Variants in SLC24A4 observed in about 807,000 individuals in gnomAD.
SLC24A4 encodes sodium/potassium/calcium exchanger 4.
A neutral mutation model predicts 79.0 loss-of-function variants in SLC24A4; 53 were observed. That is an observed-to-expected ratio of 0.67 (90% CI 0.54 to 0.84). SLC24A4 has a LOEUF of 0.84. SLC24A4 is among the 40% of genes least tolerant of loss of function. SLC24A4 has a pLI of 0.00. For missense variants in SLC24A4, 731 were observed against 822.0 expected (o/e 0.89, Z 1.35); for synonymous variants, 323 against 323.8 (o/e 1.00, Z 0.03).
intron 2 of SLC24A4, among the ~76,000 whole-genome samples, chr14:92,357,044 C>A (rs1887221640): frequency 6.6e-6 from 1 of 152,234 alleles, no homozygotes; most frequent in Non-Finnish European, 1.5e-5. Context: ...ACATTTCTAG[C>A]TTTAATGAGT....
chr14:92,344,051 A>T (rs561389976), intron 2 of SLC24A4, among the ~76,000 whole-genome samples: 1 of 152,266 alleles, frequency 6.6e-6, no homozygotes, highest in African/African-American at 2.4e-5. Flanking sequence ...GCATTTACTT[A>T]CTTCCAGATC....
chr14:92,491,692 C>A lies in SLC24A4; in HGVS notation c.1565C>A (p.Thr522Asn). 6.2e-7 allele frequency: 1 copy of A among 1,613,932 alleles called. No individual in the cohort carries two copies. The highest frequency in any genetic ancestry group is 8.5e-7 in the Non-Finnish European group (1 of 1,179,828). ...CTTGGGGACATGGCAGTCTCCAACA[C>A]CATAGGAAGCAACGTGTTTGACATC... ...QGLGDMAVSN[T>N]IGSNVFDILV... The change falls in exon 15 of 17, where the codon ACC (threonine) becomes AAC (asparagine). Residue 522 changes from threonine (T) to asparagine (N), a missense_variant. Coordinates refer to ENST00000532405, the MANE Select transcript of SLC24A4 (RefSeq NM_153646.4).
intron 13 of SLC24A4, chr14:92,484,724 A>G (rs578065066): frequency 7.1e-6 from 7 of 985,260 alleles, no homozygotes; most frequent in Non-Finnish European, 8.4e-6. Flanking sequence ...AACCTCATTC[A>G]TGTCCCTCCT....
chr14:92,453,941 G>T lies in SLC24A4; in HGVS notation c.922G>T (p.Val308Leu). 6.2e-7 allele frequency: 1 copy of T among 1,613,534 alleles called. No homozygotes were observed. Among genetic ancestry groups the T allele is most frequent in the African/African-American group, 1.3e-5 (1 of 75,010 alleles). The change falls in exon 11 of 17, where the codon GTG (valine) becomes TTG (leucine). Residue 308 changes from valine to leucine, a missense_variant. Coordinates refer to ENST00000532405, the MANE Select transcript of SLC24A4 (RefSeq NM_153646.4). ...PQYGKNPVVM[V>L]DEIMSSSPPK... is the part of the protein sequence containing the mutation. ...GTATGGCAAGAACCCCGTGGTGATG[G>T]TGGACGAGATTATGAGCTCCAGCCC...
At chr14:92,391,759 CT>C (rs1889472278) in intron 2 of SLC24A4, among the ~76,000 whole-genome samples, 1 of 152,242 alleles carries the variant, frequency 6.6e-6, no homozygotes, top group Non-Finnish European at 1.5e-5. Flanking sequence ...CTTGGGGACT[CT>C]CCCCCTGGGA....
Position 92,398,845 on chromosome 14 carries a change from G to T in SLC24A4, c.242-35067G>T, listed in dbSNP as rs1889929755. ...AAGGGACATTCGTCTTCCCTTTGGG[G>T]TGGCACCCTTCCTTAAATCGTCAAC... is the stretch of plus-strand genomic sequence containing the variant. On this transcript the variant is annotated intron_variant, in intron 2 of 16. Coordinates refer to ENST00000532405, the MANE Select transcript of SLC24A4 (RefSeq NM_153646.4). The surrounding 1 kb of genome is among the most constrained non-coding windows in gnomAD (Gnocchi z 4.1). Among the ~76,000 whole-genome samples the T allele has an allele frequency of 6.6e-6, 1 of 152,178 alleles. No individual in the cohort carries two copies. Among genetic ancestry groups the T allele is most frequent in the Middle Eastern group, 3.2e-3 (1 of 314 alleles).
In SLC24A4 at chr14:92,474,451, G is replaced by A. The variant is rs1894599853; in HGVS notation, c.1256-8229G>A. ...TTCCAAGCCAGACATTGAGAGCTTT[G>A]GGCTGACAGCTCCATGCCACATTTG... On this transcript the variant is annotated intron_variant, in intron 12 of 16. Transcript: ENST00000532405. Among the ~76,000 whole-genome samples the A allele has an allele frequency of 2.6e-5, 4 of 152,010 alleles. No homozygotes were observed. In the Middle Eastern group the frequency reaches 0.01, roughly 388 times the overall value.
chr14:92,418,746 G>A (rs1891119913), intron 2 of SLC24A4, among the ~76,000 whole-genome samples: 1 of 152,156 alleles, frequency 6.6e-6, no homozygotes, highest in Non-Finnish European at 1.5e-5. Flanking sequence ...CTATCCCCCA[G>A]GCTGGAGTGC....
Position 92,500,698 on chromosome 14 carries a change from G to C in SLC24A4, c.*7070G>C, listed in dbSNP as rs915346367. 9 of 152,360 alleles carry C rather than the reference G, an allele frequency of 5.9e-5. No individual in the cohort carries two copies. The highest frequency in any genetic ancestry group is 4.6e-4 in the Admixed American group (7 of 15,286). The allele number at this position is 152,360 out of a possible 1,614,324, so 9.4% of individuals were successfully genotyped here. The stretch of plus-strand genomic sequence containing the variant: ...CTGAGCCACTGTGGCCAACTCTTGG[G>C]GAGCTCCACAGTGGGGGTTGCTGGT... On this transcript the variant is annotated 3_prime_UTR_variant, in exon 17 of 17. Transcript: ENST00000532405.
intron 2 of SLC24A4, among the ~76,000 whole-genome samples, chr14:92,418,246 G>A (rs764570415): frequency 1.3e-5 from 2 of 152,170 alleles, no homozygotes; most frequent in Admixed American, 6.5e-5. Context: ...GGGAGACAGG[G>A]CAGGAGCCAA....
At chr14:92,400,157 G>A (rs1890018696) in intron 2 of SLC24A4, among the ~76,000 whole-genome samples, 3 of 152,252 alleles carry the variant, frequency 2.0e-5, no homozygotes, top group South Asian at 4.1e-4. Context: ...ATCAGAGTTG[G>A]AGGCCGAGCG....
At chr14:92,346,222 A>G (rs1388932421) in intron 2 of SLC24A4, among the ~76,000 whole-genome samples, 1 of 152,222 alleles carries the variant, frequency 6.6e-6, no homozygotes, top group Non-Finnish European at 1.5e-5. Context: ...CTCTGCTTTC[A>G]TGACAAGTTC....
At chr14:92,411,039 C>A (rs72695156) in intron 2 of SLC24A4, among the ~76,000 whole-genome samples, 9,326 of 152,222 alleles carry the variant, frequency 0.061, 414 homozygotes, top group Non-Finnish European at 0.093. Flanking sequence ...TCTGAGCTCT[C>A]CCCTCAGACT....
chr14:92,458,492 C>G (rs1347048242), intron 12 of SLC24A4, among the ~76,000 whole-genome samples: 1 of 152,232 alleles, frequency 6.6e-6, no homozygotes, highest in Non-Finnish European at 1.5e-5. Context: ...CTTGGGTCAA[C>G]TCAGCCACCA....
At chr14:92,446,864 C>T (rs1268030118) in intron 8 of SLC24A4, among the ~76,000 whole-genome samples, 2 of 152,170 alleles carry the variant, frequency 1.3e-5, no homozygotes, top group Admixed American at 6.5e-5. Context: ...CCCAGCCTTC[C>T]ATGGGCAGCA....
At chr14:92,470,295 C>T (rs369119186) in intron 12 of SLC24A4, among the ~76,000 whole-genome samples, 17 of 152,310 alleles carry the variant, frequency 1.1e-4, no homozygotes, top group African/African-American at 3.6e-4. Flanking sequence ...AATCTGTGCT[C>T]TCCAGGTCAT....
intron 2 of SLC24A4, among the ~76,000 whole-genome samples, chr14:92,338,572 C>T (rs989259784): frequency 1.3e-5 from 2 of 152,166 alleles, no homozygotes; most frequent in African/African-American, 4.8e-5. Context: ...TTGTATGACC[C>T]CGCTGTTGGT....
At chr14:92,405,730 T>C (rs1890339528) in intron 2 of SLC24A4, among the ~76,000 whole-genome samples, 1 of 152,102 alleles carries the variant, frequency 6.6e-6, no homozygotes, top group South Asian at 2.1e-4. Context: ...AGAACCATCA[T>C]GAGAACAGTA....
chr14:92,324,843 T>C (rs1235496036), intron 1 of SLC24A4, among the ~76,000 whole-genome samples: 1 of 152,188 alleles, frequency 6.6e-6, no homozygotes, highest in East Asian at 1.9e-4. Flanking sequence ...TAGTACCTTC[T>C]TGAGCAGTTA....
Sources: allele counts gnomAD v4.1 joint callset (sites outside exome capture counted in the v4.1 genomes callset), GRCh38; gene constraint gnomAD v4.1.1; non-coding constraint Gnocchi (gnomAD v3.1); transcripts MANE v1.5; gene names NCBI Gene and HGNC (gene_info 2026-07-23, HGNC 2026-07-21).